The following GNAZ variants were observed in gnomAD, a reference collection of about 807,000 sequenced individuals.
The protein encoded by GNAZ is guanine nucleotide-binding protein G(z) subunit alpha.
A neutral mutation model predicts 25.4 loss-of-function variants in GNAZ; 3 were observed. The ratio of observed to expected loss-of-function variants is 0.12; its 90% CI spans 0.05 to 0.30. The LOEUF is 0.30. Among genes scored for constraint, GNAZ ranks in the 10% least tolerant of loss-of-function variants. The probability of loss-of-function intolerance (pLI) is 1.00; values close to 1 mark genes in which losing one functional copy is unlikely to be tolerated. For synonymous variants in GNAZ, 211 were observed against 205.7 expected (o/e 1.03, Z -0.22); for missense variants, 241 against 501.8 (o/e 0.48, Z 4.97).
rs549819890 is a variant in GNAZ, at chr22:23,071,686, A to C, written c.-450+1116A>C. ...TAGGGGAAAACGTCTCTACTCGACC[A>C]ACCCCGCTTGAGTGCAGGTGCAGGG... On this transcript the variant is annotated intron_variant, in intron 1 of 2. Transcript: ENST00000615612. The surrounding 1 kb of genome is among the most constrained non-coding windows in gnomAD (Gnocchi z 4.1). Among the ~76,000 whole-genome samples the C allele has an allele frequency of 6.6e-6, 1 of 152,326 alleles. No homozygotes were observed. Among genetic ancestry groups the C allele is most frequent in the East Asian group, 1.9e-4 (1 of 5,180 alleles).
chr22:23,078,377 C>T (rs998658905), intron 1 of GNAZ, among the ~76,000 whole-genome samples: 1 of 152,228 alleles, frequency 6.6e-6, no homozygotes, highest in African/African-American at 2.4e-5. Context: ...ACAGCCATGC[C>T]CAGCCTTGCC....
Position 23,095,805 on chromosome 22 carries a change from T to C in GNAZ, c.110T>C (p.Leu37Pro). ...CGGCAACGCCGCGAAATCAAGCTGC[T>C]CCTGCTGGGCACCAGCAACTCAGGC... ...SQRQRREIKL[L>P]LLGTSNSGKS... Residue 37 changes from leucine to proline, a missense_variant, in exon 2 of 3, where the codon CTC (leucine) becomes CCC (proline). Physicochemically the swap from Leu to Pro is moderately conservative, Grantham distance 98. Coordinates refer to ENST00000615612, the MANE Select transcript of GNAZ (RefSeq NM_002073.4). 1 of 1,613,420 alleles carries C rather than the reference T, an allele frequency of 6.2e-7. No individual in the cohort carries two copies. Among genetic ancestry groups the C allele is most frequent in the Non-Finnish European group, 8.5e-7 (1 of 1,180,006 alleles).
At chr22:23,107,243 TG>T (rs1277079070) in intron 2 of GNAZ, among the ~76,000 whole-genome samples, 1 of 152,258 alleles carries the variant, frequency 6.6e-6, no homozygotes, top group East Asian at 1.9e-4. Flanking sequence ...TGGACTCGGC[TG>T]GAACACACCC....
At chr22:23,080,370 C>T (rs2068641486) in intron 1 of GNAZ, among the ~76,000 whole-genome samples, 1 of 151,526 alleles carries the variant, frequency 6.6e-6, no homozygotes, top group Non-Finnish European at 1.5e-5. Flanking sequence ...CATCTCATCT[C>T]CCCGGTCATC....
chr22:23,087,112 A>G lies in GNAZ; in HGVS notation c.-449-8135A>G, dbSNP rs576675207. ...CCAGACCTTCGGTTTCTAAAATAGT[A>G]TCATGGTGGGAGCTGATGTAGGGAC... On this transcript the variant is annotated intron_variant, in intron 1 of 2. Coordinates refer to ENST00000615612, the MANE Select transcript of GNAZ (RefSeq NM_002073.4). Among the ~76,000 whole-genome samples the G allele has an allele frequency of 1.1e-4, 17 of 152,324 alleles. No homozygotes were observed. The East Asian group carries it at 3.1e-3, about 28-fold the overall frequency.
chr22:23,116,890 G>C (rs1483051176), intron 2 of GNAZ, among the ~76,000 whole-genome samples: 1 of 152,206 alleles, frequency 6.6e-6, no homozygotes, highest in African/African-American at 2.4e-5. Context: ...CCGCACCTGG[G>C]AGGGGGACAG....
At chr22:23,076,277 G>A (rs2068505385) in intron 1 of GNAZ, among the ~76,000 whole-genome samples, 1 of 152,190 alleles carries the variant, frequency 6.6e-6, no homozygotes, top group Admixed American at 6.5e-5. Context: ...GTATGTGTTT[G>A]TGTAAGCTCC....
At chr22:23,114,623 G>T (rs1245795574) in intron 2 of GNAZ, among the ~76,000 whole-genome samples, 2 of 152,332 alleles carry the variant, frequency 1.3e-5, no homozygotes, top group East Asian at 3.9e-4. Context: ...CCTGGGTGTG[G>T]GGACTAAGCT....
At chr22:23,110,849 C>T (rs1322118886) in intron 2 of GNAZ, among the ~76,000 whole-genome samples, 2 of 152,198 alleles carry the variant, frequency 1.3e-5, no homozygotes, top group Non-Finnish European at 2.9e-5. Flanking sequence ...CCCAAGGGCC[C>T]ACCACACTCT....
At chr22:23,099,579 G>A (rs1471561434) in intron 2 of GNAZ, among the ~76,000 whole-genome samples, 1 of 152,252 alleles carries the variant, frequency 6.6e-6, no homozygotes, top group Non-Finnish European at 1.5e-5. Context: ...TGAGGCTCAG[G>A]CACACAGCTG....
intron 2 of GNAZ, among the ~76,000 whole-genome samples, chr22:23,117,922 C>G (rs2069898240): frequency 6.6e-6 from 1 of 152,172 alleles, no homozygotes; most frequent in South Asian, 2.1e-4. Context: ...TCTCCACTCC[C>G]TACCTTGCCC....
At chr22:23,091,522 C>T (rs571360858) in intron 1 of GNAZ, among the ~76,000 whole-genome samples, 12 of 151,816 alleles carry the variant, frequency 7.9e-5, no homozygotes, top group South Asian at 2.1e-4. Flanking sequence ...GCACACACAC[C>T]GCAATAGACC....
chr22:23,095,608 C>T lies in GNAZ; in HGVS notation c.-88C>T, dbSNP rs934370943. On this transcript the variant is annotated 5_prime_UTR_variant, in exon 2 of 3. Coordinates refer to ENST00000615612, the MANE Select transcript of GNAZ (RefSeq NM_002073.4). Reference sequence around the variant, plus strand: ...TGAGTGCCTCCAGGGCAGCTGGGCTCTTGTCTGCCTGGTCTCAGTGTCCCC... The same window carrying T: ...TGAGTGCCTCCAGGGCAGCTGGGCTTTTGTCTGCCTGGTCTCAGTGTCCCC... 6.5e-5 allele frequency: 95 copies of T among 1,454,936 alleles called. No individual in the cohort carries two copies. In the African/African-American group the frequency reaches 1.2e-3, roughly 19 times the overall value. 90.1% of individuals were successfully genotyped at this position (1,454,936 alleles called of 1,614,324 possible).
At chr22:23,081,469 T>C (rs776835607) in intron 1 of GNAZ, among the ~76,000 whole-genome samples, 1 of 152,192 alleles carries the variant, frequency 6.6e-6, no homozygotes, top group South Asian at 2.1e-4. Context: ...TCAGGTTTGA[T>C]TGCAACTTTT....
intron 2 of GNAZ, among the ~76,000 whole-genome samples, chr22:23,099,960 G>A (rs939142982): frequency 1.3e-5 from 2 of 152,258 alleles, no homozygotes; most frequent in African/African-American, 2.4e-5. Context: ...AATGGTGTGG[G>A]ATCCTTCAGA....
At chr22:23,089,051 C>T (rs1055127041) in intron 1 of GNAZ, among the ~76,000 whole-genome samples, 7 of 152,180 alleles carry the variant, frequency 4.6e-5, no homozygotes, top group Non-Finnish European at 8.8e-5. Context: ...CTCTTTCCGT[C>T]GCCCAAGCTC....
chr22:23,118,482 A>G (rs737846), intron 2 of GNAZ, among the ~76,000 whole-genome samples: 71,931 of 143,990 alleles, frequency 0.5, 17,592 homozygotes, highest in Middle Eastern at 0.58. Context: ...GCCCCGCCCC[A>G]CCCCCCGCGG....
chr22:23,099,428 A>G (rs1318313026), intron 2 of GNAZ, among the ~76,000 whole-genome samples: 1 of 152,240 alleles, frequency 6.6e-6, no homozygotes, highest in African/African-American at 2.4e-5. Flanking sequence ...CCCAAGCCCA[A>G]CACCCAGCTG....
intron 2 of GNAZ, among the ~76,000 whole-genome samples, chr22:23,097,511 A>AG (rs1601796092): frequency 6.6e-6 from 1 of 152,206 alleles, no homozygotes; most frequent in Non-Finnish European, 1.5e-5. Flanking sequence ...TCCTCGCATC[A>AG]GGGGTCTCCC....
Sources: gnomAD v4.1 joint callset for allele counts (sites outside exome capture counted in the v4.1 genomes callset) on GRCh38, gnomAD v4.1.1 for gene constraint, Gnocchi (gnomAD v3.1) non-coding constraint, MANE v1.5 for transcripts, NCBI Gene and HGNC (gene_info 2026-07-23, HGNC 2026-07-21) for gene names.